The following SCN10A variants were observed in gnomAD, a reference collection of about 807,000 sequenced individuals.
SCN10A encodes the protein sodium voltage-gated channel alpha subunit 10.
Under a neutral mutation model 170.7 loss-of-function variants are expected in SCN10A, and 162 were observed. The observed-to-expected ratio is 0.95, with a 90% CI of 0.84 to 1.08. SCN10A has a LOEUF of 1.08. Ranked by LOEUF, SCN10A falls within the 50% of genes least tolerant of loss-of-function variation. SCN10A has a pLI of 0.00. For synonymous variants in SCN10A, 985 were observed against 904.6 expected (o/e 1.09, Z -1.59); for missense variants, 2,527 against 2,436.9 (o/e 1.04, Z -0.78).
chr3:38,799,380 T>C (rs2064358590), intron 1 of SCN10A, among the ~76,000 whole-genome samples: 1 of 152,192 alleles, frequency 6.6e-6, no homozygotes, highest in South Asian at 2.1e-4. Flanking sequence ...TTTTCCCCAA[T>C]GTGTTCTGCA....
rs142619328 is a variant in SCN10A, at chr3:38,755,402, T to C, written c.1461+386A>G. On this transcript the variant is annotated intron_variant, in intron 11 of 27. Coordinates refer to ENST00000449082, the MANE Select transcript of SCN10A (RefSeq NM_006514.4). Reference sequence around the variant, plus strand: ...TGACCTTTGATGTCCGCAGACACCTTAAGATTGGCATGTTCAGTATGGGCT... The same window carrying C: ...TGACCTTTGATGTCCGCAGACACCTCAAGATTGGCATGTTCAGTATGGGCT... Among the ~76,000 whole-genome samples the C allele has an allele frequency of 3.4e-3, 511 of 152,140 alleles. 1 individual carries two copies. Among genetic ancestry groups the C allele is most frequent in the Non-Finnish European group, 6.0e-3 (408 of 67,998 alleles).
intron 1 of SCN10A, among the ~76,000 whole-genome samples, chr3:38,805,639 C>G (rs926161881): frequency 6.6e-6 from 1 of 152,098 alleles, no homozygotes. Flanking sequence ...AAAGATATAG[C>G]ATTTGAAATA....
chr3:38,803,523 C>G (rs1314442325), intron 1 of SCN10A, among the ~76,000 whole-genome samples: 2 of 151,888 alleles, frequency 1.3e-5, no homozygotes, highest in Non-Finnish European at 1.5e-5. Flanking sequence ...AGCTGGAAAC[C>G]ATCATTCTCA....
intron 1 of SCN10A, among the ~76,000 whole-genome samples, chr3:38,802,671 T>A (rs926833710): frequency 2.6e-5 from 4 of 152,190 alleles, no homozygotes; most frequent in Non-Finnish European, 5.9e-5. Flanking sequence ...AATACTTAAA[T>A]GTTAGACCTA....
chr3:38,763,593 A>G lies in SCN10A; in HGVS notation c.603T>C (p.Tyr201=). The G allele has an allele frequency of 6.2e-7, 1 of 1,613,372 alleles. No individual in the cohort carries two copies. Residue 201 remains tyrosine (Y), a synonymous_variant, in exon 6 of 28, where the codon TAT becomes TAC. Coordinates refer to ENST00000449082, the MANE Select transcript of SCN10A (RefSeq NM_006514.4). ...WLDFSVITLA[Y]VGTAIDLRGI... ...CACGGAGATCTATTGCTGTGCCAAC[A>G]TATCTGTAGGACCAGAAGTTAGTCA...
intron 21 of SCN10A, among the ~76,000 whole-genome samples, chr3:38,716,507 C>T (rs1343986958): frequency 1.3e-5 from 2 of 152,144 alleles, no homozygotes; most frequent in Non-Finnish European, 2.9e-5. Flanking sequence ...TAAGGCTTCC[C>T]CAGCCATGTG....
chr3:38,699,657 T>G (rs2063136849), intron 27 of SCN10A, among the ~76,000 whole-genome samples: 1 of 152,234 alleles, frequency 6.6e-6, no homozygotes, highest in South Asian at 2.1e-4. Context: ...AGACCTTCTG[T>G]GAATTTCCAG....
In SCN10A at chr3:38,712,218, G is replaced by T; in HGVS notation, c.4032C>A (p.Val1344=). ...CATTATCAAAGTTGACTTTCACATT[G>T]ACCCAGAAGAAGCTGCCAGTGGAGT... ...IQNSTGSFFW[V]NVKVNFDNVA... Residue 1344 remains valine, a synonymous_variant, in exon 23 of 28, where the codon GTC becomes GTA. Coordinates refer to ENST00000449082, the MANE Select transcript of SCN10A (RefSeq NM_006514.4). 6.2e-7 allele frequency: 1 copy of T among 1,614,178 alleles called. No homozygotes were observed. Among genetic ancestry groups the T allele is most frequent in the South Asian group, 1.1e-5 (1 of 91,072 alleles).
At chr3:38,732,306 A>G (rs990806847) in intron 15 of SCN10A, among the ~76,000 whole-genome samples, 2 of 152,042 alleles carry the variant, frequency 1.3e-5, no homozygotes, top group East Asian at 3.9e-4. Flanking sequence ...ATAGCCTTAA[A>G]CCCCCTGAAC....
intron 5 of SCN10A, among the ~76,000 whole-genome samples, chr3:38,764,751 A>AAAT (rs2063912736): frequency 6.6e-6 from 1 of 152,208 alleles, no homozygotes; most frequent in South Asian, 2.1e-4. Context: ...TTGCTGGACC[A>AAAT]AATGGTAGTT....
At chr3:38,756,150 A>T (rs1413699840) in intron 10 of SCN10A, among the ~76,000 whole-genome samples, 192 bp from the exon 11 acceptor site, 1 of 152,062 alleles carries the variant, frequency 6.6e-6, no homozygotes, top group Non-Finnish European at 1.5e-5. Context: ...TTCATGGGGT[A>T]CTCTGTTGGT....
intron 27 of SCN10A, among the ~76,000 whole-genome samples, chr3:38,701,136 G>A (rs963179856): frequency 6.6e-6 from 1 of 152,184 alleles, no homozygotes; most frequent in South Asian, 2.1e-4. Flanking sequence ...TCAGTGCTCA[G>A]AACTTAGGAA....
chr3:38,763,473 A>T, intron 6 of SCN10A, 32 bp downstream of exon 6: 1 of 1,544,704 alleles, frequency 6.5e-7, no homozygotes, highest in Non-Finnish European at 9.0e-7. Flanking sequence ...AGGCTGTGAA[A>T]ACCAACATAT....
intron 1 of SCN10A, among the ~76,000 whole-genome samples, chr3:38,796,920 A>G (rs1459924102): frequency 6.6e-6 from 1 of 152,104 alleles, no homozygotes; most frequent in African/African-American, 2.4e-5. Flanking sequence ...TCCAGAACCT[A>G]GTACAGTGCC....
At chr3:38,764,875 C>G (rs1351849434) in intron 5 of SCN10A, among the ~76,000 whole-genome samples, 3 of 152,032 alleles carry the variant, frequency 2.0e-5, no homozygotes, top group Non-Finnish European at 2.9e-5. Flanking sequence ...ATGCCAACAT[C>G]TATTATTTTT....
intron 1 of SCN10A, among the ~76,000 whole-genome samples, chr3:38,798,129 C>A (rs1006697149): frequency 6.6e-6 from 1 of 152,236 alleles, no homozygotes; most frequent in Admixed American, 6.5e-5. Flanking sequence ...AGAGCTATTT[C>A]TAGGAATGTC....
chr3:38,811,259 C>A (rs2064439638), intron 1 of SCN10A, among the ~76,000 whole-genome samples: 1 of 152,072 alleles, frequency 6.6e-6, no homozygotes, highest in South Asian at 2.1e-4. Context: ...TCAAGACCAG[C>A]CTAGCCAACA....
intron 22 of SCN10A, among the ~76,000 whole-genome samples, chr3:38,713,477 C>G (rs745900932): frequency 3.9e-5 from 6 of 151,922 alleles, no homozygotes; most frequent in Non-Finnish European, 7.4e-5. Flanking sequence ...AGGTCTGGGT[C>G]CTGGTGGCTG....
At chr3:38,798,077 T>C (rs902991359) in intron 1 of SCN10A, among the ~76,000 whole-genome samples, 1 of 152,306 alleles carries the variant, frequency 6.6e-6, no homozygotes, top group African/African-American at 2.4e-5. Flanking sequence ...TGTCTTTACA[T>C]GACATTCTGA....
Sources: allele counts gnomAD v4.1 joint callset (sites outside exome capture counted in the v4.1 genomes callset), GRCh38; gene constraint gnomAD v4.1.1; transcripts MANE v1.5; gene names NCBI Gene and HGNC (gene_info 2026-07-23, HGNC 2026-07-21).